The following DAB1 variants were observed in gnomAD, a reference collection of about 807,000 sequenced individuals.
DAB1 encodes DAB adaptor protein 1.
A neutral mutation model predicts 64.6 loss-of-function variants in DAB1; 15 were observed. That is an observed-to-expected ratio of 0.23 (90% CI 0.16 to 0.36). DAB1 has a LOEUF of 0.36. Ranked by LOEUF, DAB1 falls within the 10% of genes least tolerant of loss-of-function variation. DAB1 has a pLI of 1.00. For synonymous variants in DAB1, 235 were observed against 251.9 expected, an observed-to-expected ratio of 0.93 and a Z score of 0.64; for missense variants, 596 against 706.7, an observed-to-expected ratio of 0.84 and a Z score of 1.78.
intron 5 of DAB1, among the ~76,000 whole-genome samples, chr1:58,108,246 G>A (rs954751043): frequency 6.6e-6 from 1 of 152,254 alleles, no homozygotes; most frequent in South Asian, 2.1e-4. Context: ...TGTAGGGAGG[G>A]CCCTGGTAAT....
chr1:57,056,019 T>TTTA, intron 9 of DAB1, among the ~76,000 whole-genome samples: 1 of 152,254 alleles, frequency 6.6e-6, no homozygotes, highest in East Asian at 1.9e-4. Flanking sequence ...ACACAAAAAC[T>TTTA]CTAAGGCAGG....
chr1:57,802,730 C>T (rs1055398664), intron 6 of DAB1, among the ~76,000 whole-genome samples: 1 of 152,120 alleles, frequency 6.6e-6, no homozygotes, highest in African/African-American at 2.4e-5. Flanking sequence ...AAGTAAGACA[C>T]GCCCACTTCC....
intron 3 of DAB1, among the ~76,000 whole-genome samples, chr1:58,490,869 G>A (rs1232709096): frequency 5.3e-5 from 7 of 132,510 alleles, no homozygotes; most frequent in African/African-American, 8.6e-5. Flanking sequence ...GCAGTGGCGC[G>A]ATCTCGGCTC....
At chr1:57,376,131 A>G (rs1680879288) in intron 1 of DAB1, among the ~76,000 whole-genome samples, 1 of 152,194 alleles carries the variant, frequency 6.6e-6, no homozygotes, top group Admixed American at 6.5e-5. Context: ...CACACACCCA[A>G]GCAATCTGGT....
intron 3 of DAB1, among the ~76,000 whole-genome samples, chr1:58,410,486 CA>C (rs1644657950): frequency 6.6e-6 from 1 of 152,166 alleles, no homozygotes. Flanking sequence ...CCACTGAATG[CA>C]GACACCCTGT....
chr1:57,211,326 G>GC (rs1176821737), intron 2 of DAB1, among the ~76,000 whole-genome samples: 11 of 152,248 alleles, frequency 7.2e-5, no homozygotes, highest in Middle Eastern at 3.4e-3. Flanking sequence ...GAGGGATATG[G>GC]CCACACAGAG....
chr1:58,091,566 A>C (rs990761652), intron 5 of DAB1, among the ~76,000 whole-genome samples: 1 of 152,214 alleles, frequency 6.6e-6, no homozygotes, highest in Non-Finnish European at 1.5e-5. Flanking sequence ...CATCCACAAG[A>C]TCACAGAGAT....
chr1:57,850,710 A>G (rs1410793661), intron 1 of DAB1, among the ~76,000 whole-genome samples: 1 of 151,936 alleles, frequency 6.6e-6, no homozygotes, highest in African/African-American at 2.4e-5. Context: ...AATGTGATAC[A>G]CTCTGACACT....
chr1:57,289,987 C>T (rs1245548435), intron 2 of DAB1, among the ~76,000 whole-genome samples: 2 of 152,208 alleles, frequency 1.3e-5, no homozygotes, highest in Admixed American at 6.5e-5. Context: ...TATCATCACA[C>T]TATGCCTGCA....
chr1:57,460,486 C>CTCTT (rs1449110517), intron 7 of DAB1, among the ~76,000 whole-genome samples: 2 of 152,184 alleles, frequency 1.3e-5, no homozygotes, highest in African/African-American at 2.4e-5. Context: ...CAAATGTGAG[C>CTCTT]TCTGACCTTC....
At chr1:58,422,518 T>C (rs957134338) in intron 3 of DAB1, among the ~76,000 whole-genome samples, 1 of 151,190 alleles carries the variant, frequency 6.6e-6, no homozygotes. Flanking sequence ...TCGTCTACCA[T>C]CCAGAAGCCA....
chr1:57,798,092 G>C (rs1303339519), intron 6 of DAB1, among the ~76,000 whole-genome samples: 1 of 152,142 alleles, frequency 6.6e-6, no homozygotes, highest in Non-Finnish European at 1.5e-5. Context: ...TGGCTAAATA[G>C]CAGGCCCAAG....
At chr1:57,940,494 G>T (rs961157308) in intron 5 of DAB1, among the ~76,000 whole-genome samples, 2 of 152,208 alleles carry the variant, frequency 1.3e-5, no homozygotes, top group Non-Finnish European at 2.9e-5. Flanking sequence ...GTGAAGGGCA[G>T]ACTAGAGGAT....
At chr1:58,349,321 G>A (rs756530285) in intron 3 of DAB1, among the ~76,000 whole-genome samples, 8 of 152,200 alleles carry the variant, frequency 5.3e-5, no homozygotes, top group African/African-American at 7.2e-5. Flanking sequence ...AAGTCACTGA[G>A]CATGAACCAG....
chr1:57,850,652 C>T (rs566414963), intron 1 of DAB1, among the ~76,000 whole-genome samples: 2 of 152,312 alleles, frequency 1.3e-5, no homozygotes, highest in East Asian at 1.9e-4. Context: ...AAGGCCTGGC[C>T]TGCAAGTGCC....
chr1:57,376,993 G>A (rs1233227822), intron 1 of DAB1, among the ~76,000 whole-genome samples: 1 of 152,220 alleles, frequency 6.6e-6, no homozygotes, highest in Non-Finnish European at 1.5e-5. Context: ...CACTGTCCAG[G>A]TGCCGGTGGC....
chr1:57,997,161 A>C (rs1646438363), intron 5 of DAB1, among the ~76,000 whole-genome samples: 1 of 152,170 alleles, frequency 6.6e-6, no homozygotes, highest in South Asian at 2.1e-4. Flanking sequence ...GGGCACCAGC[A>C]TGTTCACTAA....
chr1:57,774,651 C>G (rs1007607634), intron 6 of DAB1, among the ~76,000 whole-genome samples: 2 of 151,716 alleles, frequency 1.3e-5, no homozygotes, highest in African/African-American at 4.8e-5. Flanking sequence ...TCTTTTGTAT[C>G]TATAGCGATA....
At chr1:57,142,279 A>T (rs1022605082) in intron 3 of DAB1, among the ~76,000 whole-genome samples, 4 of 152,176 alleles carry the variant, frequency 2.6e-5, no homozygotes, top group African/African-American at 9.6e-5. Context: ...TTTATTTCTC[A>T]TATGGCCTAA....
Sources: gnomAD v4.1 joint callset for allele counts (sites outside exome capture counted in the v4.1 genomes callset) on GRCh38, gnomAD v4.1.1 for gene constraint, MANE v1.5 for transcripts, NCBI Gene and HGNC (gene_info 2026-07-23, HGNC 2026-07-21) for gene names.